HMGA2: variants seen among roughly 807,000 people sequenced by gnomAD.
HMGA2 encodes high mobility group protein HMGI-C.
HMGA2 carries 8 observed loss-of-function variants against 19.1 expected under a neutral mutation model. That is an observed-to-expected ratio of 0.42 (90% CI 0.25 to 0.76). The LOEUF is 0.76. Among genes scored for constraint, HMGA2 ranks in the 30% least tolerant of loss-of-function variants. The probability of loss-of-function intolerance (pLI) is 0.28; values close to 1 mark genes in which losing one functional copy is unlikely to be tolerated. For missense variants in HMGA2, 109 were observed against 136.3 expected (o/e 0.80, Z 1.00); for synonymous variants, 60 against 48.8 (o/e 1.23, Z -0.96).
chr12:65,894,343 C>A (rs926379170), intron 3 of HMGA2, among the ~76,000 whole-genome samples: 3 of 152,104 alleles, frequency 2.0e-5, no homozygotes, highest in African/African-American at 4.8e-5. Context: ...TCATTCTTAT[C>A]TTTTAGAAGA....
chr12:65,951,761 C>T (rs1294430816), intron 4 of HMGA2: 1 of 205,146 alleles, frequency 4.9e-6, no homozygotes, highest in African/African-American at 2.3e-5. Flanking sequence ...AACTGACTGT[C>T]TATATTCTGT....
At chr12:65,924,122 C>T (rs995702408) in intron 3 of HMGA2, among the ~76,000 whole-genome samples, 5 of 152,166 alleles carry the variant, frequency 3.3e-5, no homozygotes, top group Non-Finnish European at 7.4e-5. Flanking sequence ...TTAAATTCCT[C>T]TTAGGGTAGG....
Position 65,941,281 on chromosome 12 carries a change from A to G in HMGA2, c.250-10102A>G, listed in dbSNP as rs953547625. Among the ~76,000 whole-genome samples the G allele has an allele frequency of 4.6e-5, 7 of 152,328 alleles. No individual in the cohort carries two copies. The South Asian group carries it at 1.5e-3, about 32-fold the overall frequency. On this transcript the variant is annotated intron_variant, in intron 3 of 4. Transcript: ENST00000403681. Reference sequence around the variant, plus strand: ...TACAGCTTCTGAGGAAAGGTCATCAATCCAGAGAAGACCGTGAAGGAAGGT... The same window carrying G: ...TACAGCTTCTGAGGAAAGGTCATCAGTCCAGAGAAGACCGTGAAGGAAGGT...
chr12:65,864,683 G>T (rs1208586775), intron 3 of HMGA2, among the ~76,000 whole-genome samples: 1 of 152,134 alleles, frequency 6.6e-6, no homozygotes, highest in Admixed American at 6.5e-5. Context: ...CACTACAAAT[G>T]ATTTTATAGT....
intron 3 of HMGA2, among the ~76,000 whole-genome samples, chr12:65,919,845 T>G (rs1026523250): frequency 1.3e-5 from 2 of 152,250 alleles, no homozygotes; most frequent in Non-Finnish European, 2.9e-5. Flanking sequence ...ATCCTGCTTT[T>G]CCTCAATCCA....
At chr12:65,911,122 T>C (rs1334854794) in intron 3 of HMGA2, among the ~76,000 whole-genome samples, 1 of 152,174 alleles carries the variant, frequency 6.6e-6, no homozygotes, top group Non-Finnish European at 1.5e-5. Flanking sequence ...TATCGAACAA[T>C]AGAACTATTT....
intron 3 of HMGA2, among the ~76,000 whole-genome samples, chr12:65,944,076 C>T (rs1876180107): frequency 6.6e-6 from 1 of 152,158 alleles, no homozygotes; most frequent in Non-Finnish European, 1.5e-5. Context: ...GTTGCATCAA[C>T]ATTTGATCTG....
At chr12:65,881,400 A>G (rs1193363779) in intron 3 of HMGA2, 3 of 308,654 alleles carry the variant, frequency 9.7e-6, no homozygotes, top group African/African-American at 2.1e-5. Flanking sequence ...CTTCCCTCCA[A>G]CATCCTTGGG....
At chr12:65,862,891 T>C (rs1235714665) in intron 3 of HMGA2, among the ~76,000 whole-genome samples, 1 of 152,150 alleles carries the variant, frequency 6.6e-6, no homozygotes, top group African/African-American at 2.4e-5. Context: ...ATAATATAGG[T>C]TGTCAACTGC....
At chr12:65,891,173 T>C (rs988269017) in intron 3 of HMGA2, among the ~76,000 whole-genome samples, 6 of 152,198 alleles carry the variant, frequency 3.9e-5, no homozygotes, top group African/African-American at 1.2e-4. Context: ...TCCAAACCCT[T>C]GTACCTACCA....
chr12:65,957,118 G>C (rs1372622240), intron 4 of HMGA2: 2 of 152,058 alleles, frequency 1.3e-5, no homozygotes. Flanking sequence ...AAAATGTTTG[G>C]TGCAATAATG....
At chr12:65,867,461 C>T in intron 3 of HMGA2, 1 of 454,082 alleles carries the variant, frequency 2.2e-6, no homozygotes, top group Non-Finnish European at 4.4e-6. Context: ...GGCCAGTTTT[C>T]CCTTAATGAG....
At position 65,900,987 on chromosome 12, in the gene HMGA2, T is replaced by C. The variant is rs191382778; in HGVS notation, c.250-50396T>C. ...TTCTGGACTTTACTATTATTTATGCTCTTGATGTTATTTATGTTTGTTGTA... is the reference window on the plus strand; with the variant it reads ...TTCTGGACTTTACTATTATTTATGCCCTTGATGTTATTTATGTTTGTTGTA... On this transcript the variant is annotated intron_variant, in intron 3 of 4. Coordinates refer to ENST00000403681, the MANE Select transcript of HMGA2 (RefSeq NM_003483.6). Among the ~76,000 whole-genome samples the C allele has an allele frequency of 1.4e-4, 22 of 152,360 alleles. 1 individual carries two copies. The highest frequency in any genetic ancestry group is 1.2e-3 in the Admixed American group (19 of 15,314).
intron 3 of HMGA2, among the ~76,000 whole-genome samples, chr12:65,855,147 C>T (rs1305252541): frequency 2.0e-5 from 3 of 152,128 alleles, no homozygotes; most frequent in Admixed American, 1.3e-4. Flanking sequence ...GAAACACATG[C>T]CTGTTTCGTC....
chr12:65,855,465 C>CACAG (rs1871690737), intron 3 of HMGA2, among the ~76,000 whole-genome samples: 1 of 150,124 alleles, frequency 6.7e-6, no homozygotes, highest in Non-Finnish European at 1.5e-5. Flanking sequence ...CTCTCACACA[C>CACAG]ACACACACAC....
chr12:65,959,090 C>A lies in HMGA2; in HGVS notation c.283-4155C>A, dbSNP rs775265678. 3.6e-4 allele frequency among the ~76,000 whole-genome samples: 55 copies of A among 152,370 alleles called. No homozygotes were observed. In the Middle Eastern group the frequency reaches 0.01, roughly 28 times the overall value. Reference sequence around the variant, plus strand: ...ATATTGAACTTTCTTCCAGCACACACCCTCATCCATGCCTGTATAGTAAGT... The same window carrying A: ...ATATTGAACTTTCTTCCAGCACACAACCTCATCCATGCCTGTATAGTAAGT... On this transcript the variant is annotated intron_variant, in intron 4 of 4. Transcript: ENST00000403681.
intron 2 of HMGA2, chr12:65,831,134 A>G (rs1870457643): frequency 2.6e-5 from 4 of 151,906 alleles, no homozygotes; most frequent in African/African-American, 9.7e-5. Flanking sequence ...AGTCTGAGGT[A>G]CACCTATGAC....
intron 3 of HMGA2, among the ~76,000 whole-genome samples, chr12:65,854,041 A>G (rs757813385): frequency 6.6e-5 from 10 of 152,212 alleles, no homozygotes; most frequent in Non-Finnish European, 1.0e-4. Flanking sequence ...TTTTTAAACT[A>G]TGTGTAATGC....
intron 3 of HMGA2, among the ~76,000 whole-genome samples, chr12:65,860,754 C>T (rs1466310050): frequency 6.6e-6 from 1 of 152,136 alleles, no homozygotes; most frequent in Admixed American, 6.5e-5. Context: ...TTACTATACC[C>T]TGAGGAATTA....
Sources: gnomAD v4.1 joint callset for allele counts (sites outside exome capture counted in the v4.1 genomes callset) on GRCh38, gnomAD v4.1.1 for gene constraint, MANE v1.5 for transcripts, NCBI Gene and HGNC (gene_info 2026-07-23, HGNC 2026-07-21) for gene names.